Variants in NPEPL1 observed in about 807,000 individuals in gnomAD.
NPEPL1 encodes the protein probable aminopeptidase NPEPL1.
In NPEPL1, 45 loss-of-function variants were observed where a neutral mutation model predicts 52.4. That is an observed-to-expected ratio of 0.86 (90% CI 0.68 to 1.10). NPEPL1 has a LOEUF of 1.10. Ranked by LOEUF, NPEPL1 falls within the 50% of genes least tolerant of loss-of-function variation. The pLI is 0.00. For missense variants in NPEPL1, 696 were observed against 710.9 expected (o/e 0.98, Z 0.24); for synonymous variants, 360 against 314.7 (o/e 1.14, Z -1.52).
In NPEPL1 at chr20:58,693,907, G is replaced by T; in HGVS notation, c.321G>T (p.Ala107=). 6.2e-7 allele frequency: 1 copy of T among 1,603,754 alleles called. No homozygotes were observed. The highest frequency in any genetic ancestry group is 2.3e-5 in the East Asian group (1 of 44,250). ...RLVRTCLPPG[A]HRCIVMVCEQ... Reference sequence around the variant, plus strand: ...TGCGGACCTGCCTGCCGCCCGGAGCGCATCGCTGCATTGTGGTGAGTGCTT... The same window carrying T: ...TGCGGACCTGCCTGCCGCCCGGAGCTCATCGCTGCATTGTGGTGAGTGCTT... The change falls in exon 2 of 12, where the codon GCG becomes GCT. Residue 107 remains alanine, a synonymous_variant. Transcript: ENST00000356091.
chr20:58,697,056 A>G (rs1357824392), intron 3 of NPEPL1, among the ~76,000 whole-genome samples: 2 of 152,206 alleles, frequency 1.3e-5, no homozygotes, highest in African/African-American at 4.8e-5. Flanking sequence ...CTGTGGCCTC[A>G]TCCTCTTCTG....
intron 7 of NPEPL1, chr20:58,711,526 A>G (rs1235304734): frequency 1.3e-5 from 2 of 152,348 alleles, no homozygotes; most frequent in South Asian, 2.1e-4. Context: ...TGGCTCCGAT[A>G]TCATCACCCT....
In NPEPL1 at chr20:58,713,871, C is replaced by A; in HGVS notation, c.1126-46C>A. Reference sequence around the variant, plus strand: ...TCCCTCTTTTGCCTTGGGTGTTTCTCTCCTGCCGTCCCGTCCACACGCTTC... The same window carrying A: ...TCCCTCTTTTGCCTTGGGTGTTTCTATCCTGCCGTCCCGTCCACACGCTTC... On this transcript the variant is annotated intron_variant, in intron 9 of 11. Coordinates refer to ENST00000356091, the MANE Select transcript of NPEPL1 (RefSeq NM_024663.4). The surrounding 1 kb of genome is among the most constrained non-coding windows in gnomAD (Gnocchi z 4.6). 1 of 1,416,396 alleles carries A rather than the reference C, an allele frequency of 7.1e-7. No homozygotes were observed. Among genetic ancestry groups the A allele is most frequent in the Non-Finnish European group, 9.2e-7 (1 of 1,087,848 alleles). 87.7% of individuals were successfully genotyped at this position (1,416,396 alleles called of 1,614,324 possible).
intron 10 of NPEPL1, 84 bp downstream of exon 10, chr20:58,714,177 C>G: frequency 6.8e-7 from 1 of 1,466,974 alleles, no homozygotes. Flanking sequence ...GCTGGTGCAC[C>G]CAGGGAGCTG....
intron 6 of NPEPL1, among the ~76,000 whole-genome samples, chr20:58,705,927 A>G (rs2084726480): frequency 1.3e-5 from 2 of 152,368 alleles, no homozygotes; most frequent in South Asian, 4.1e-4. Flanking sequence ...AAGATGGGTC[A>G]TTTTCACTCA....
At chr20:58,705,345 G>C (rs552167380) in intron 6 of NPEPL1, among the ~76,000 whole-genome samples, 5 of 152,244 alleles carry the variant, frequency 3.3e-5, no homozygotes, top group African/African-American at 1.2e-4. Flanking sequence ...TGCTCTGACC[G>C]ACCACTGCCC....
At chr20:58,710,419 C>T (rs1007268971) in intron 7 of NPEPL1, among the ~76,000 whole-genome samples, 32 of 152,050 alleles carry the variant, frequency 2.1e-4, no homozygotes, top group African/African-American at 7.5e-4. Context: ...GAGGATGTAC[C>T]ATTCAAAGAT....
rs768459338 is a variant in NPEPL1 at position 58,701,107 on chromosome 20, G to A, written c.771G>A (p.Trp257Ter). 3 of 1,590,886 alleles carry A rather than the reference G, an allele frequency of 1.9e-6. No individual in the cohort carries two copies. Among genetic ancestry groups the A allele is most frequent in the South Asian group, 2.3e-5 (2 of 86,926 alleles). ...ATGGAGCCACGCAGACCATCGCCTG[G>A]GTGGGCAAAGGCATCGTCTATGACA... ...TPDGATQTIA[W>*]VGKGIVYDTG... Residue 257 changes from tryptophan (W) to a stop codon, truncating the protein, a stop_gained, in exon 6 of 12, where the codon TGG (tryptophan) becomes TGA (stop). Coordinates refer to ENST00000356091, the MANE Select transcript of NPEPL1 (RefSeq NM_024663.4). LOFTEE classifies it high-confidence loss of function.
chr20:58,691,776 T>C, upstream of NPEPL1: 1 of 1,530,140 alleles, frequency 6.5e-7, no homozygotes, highest in Non-Finnish European at 8.8e-7. Flanking sequence ...TGGAACTACA[T>C]GGAGGTAACA....
upstream of NPEPL1, chr20:58,691,954 C>A (rs1169204520): frequency 1.4e-6 from 1 of 704,308 alleles, no homozygotes; most frequent in Non-Finnish European, 2.5e-6. Context: ...TCAAGGCTCA[C>A]CCCTGGCTCC....
At position 58,693,829 on chromosome 20, in the gene NPEPL1, C is replaced by G; in HGVS notation, c.243C>G (p.Cys81Trp). The G allele has an allele frequency of 6.2e-7, 1 of 1,613,696 alleles. No individual in the cohort carries two copies. The highest frequency in any genetic ancestry group is 8.5e-7 in the Non-Finnish European group (1 of 1,179,810). The stretch of plus-strand genomic sequence containing the variant: ...ACGCCACCGTGGCTGCCCTGCCCTG[C>G]AGGGTGAGCCGGCACAACAGCCCCT... The part of the protein sequence containing the change: ...LNYATVAALP[C>W]RVSRHNSPSA... Residue 81 changes from cysteine to tryptophan, a missense_variant, in exon 2 of 12, where the codon TGC becomes TGG. Cys to Trp is a radical substitution (Grantham distance 215, BLOSUM62 -2). Transcript: ENST00000356091.
chr20:58,703,100 G>A (rs903198363), intron 6 of NPEPL1, among the ~76,000 whole-genome samples: 3 of 152,156 alleles, frequency 2.0e-5, no homozygotes, highest in Admixed American at 6.5e-5. Context: ...TGGAGGCCCC[G>A]ACTGTGCCCA....
intron 6 of NPEPL1, among the ~76,000 whole-genome samples, chr20:58,702,206 T>C (rs993804616): frequency 2.0e-5 from 3 of 152,254 alleles, no homozygotes; most frequent in African/African-American, 7.2e-5. Context: ...AAGCCTGGAT[T>C]TCCGGCCTTT....
At chr20:58,706,414 G>C (rs573293783) in intron 6 of NPEPL1, among the ~76,000 whole-genome samples, 99 of 152,340 alleles carry the variant, frequency 6.5e-4, no homozygotes, top group Non-Finnish European at 1.3e-3. Context: ...GGCAGAGAAT[G>C]CTGAGCCTAA....
intron 11 of NPEPL1, 151 bp from the exon 12 acceptor site, chr20:58,715,017 G>A: frequency 1.1e-6 from 1 of 871,194 alleles, no homozygotes; most frequent in Non-Finnish European, 1.7e-6. Flanking sequence ...CAGCATGGAA[G>A]GCTCTGGGCT....
intron 3 of NPEPL1, among the ~76,000 whole-genome samples, chr20:58,698,314 A>T (rs2123099117): frequency 6.6e-6 from 1 of 152,180 alleles, no homozygotes; most frequent in South Asian, 2.1e-4. Context: ...AGCTCAGGGC[A>T]TACTCAGGGG....
chr20:58,713,307 C>A lies in NPEPL1; in HGVS notation c.1002-113C>A. 1 of 1,375,998 alleles carries A rather than the reference C, an allele frequency of 7.3e-7. No individual in the cohort carries two copies. Among genetic ancestry groups the A allele is most frequent in the Non-Finnish European group, 9.8e-7 (1 of 1,025,418 alleles). 85.2% of individuals were successfully genotyped at this position (1,375,998 alleles called of 1,614,324 possible). A position where few individuals can be genotyped will look rare whatever the true frequency, so the allele number is the denominator to read the frequency against. On this transcript the variant is annotated intron_variant, in intron 8 of 11. Transcript: ENST00000356091. This position sits in a 1 kb window ranked among gnomAD's most constrained non-coding sequence, Gnocchi z 4.6. ...CCCATTCAGGGAACGTGTTGGGGTTCGGGGAGCCACAGGGATGGGCAGCTC... is the reference window on the plus strand; with the variant it reads ...CCCATTCAGGGAACGTGTTGGGGTTAGGGGAGCCACAGGGATGGGCAGCTC...
At chr20:58,704,923 G>C (rs2084708268) in intron 6 of NPEPL1, among the ~76,000 whole-genome samples, 1 of 152,202 alleles carries the variant, frequency 6.6e-6, no homozygotes. Flanking sequence ...CTTTGAACAT[G>C]TGGTTTTTCA....
chr20:58,697,088 A>G (rs1407610166), intron 3 of NPEPL1, among the ~76,000 whole-genome samples: 1 of 152,186 alleles, frequency 6.6e-6, no homozygotes, highest in Non-Finnish European at 1.5e-5. Flanking sequence ...GGGACTGTGT[A>G]CTGTGAGTCT....
Sources: gnomAD v4.1 joint callset for allele counts (sites outside exome capture counted in the v4.1 genomes callset) on GRCh38, gnomAD v4.1.1 for gene constraint, Gnocchi (gnomAD v3.1) non-coding constraint, MANE v1.5 for transcripts, NCBI Gene and HGNC (gene_info 2026-07-23, HGNC 2026-07-21) for gene names.